PAX3: variants seen among roughly 807,000 people sequenced by gnomAD.
PAX3 encodes paired box protein Pax-3.
PAX3 carries 14 observed loss-of-function variants against 51.6 expected under a neutral mutation model. That is an observed-to-expected ratio of 0.27 (90% confidence interval 0.18 to 0.42). The LOEUF (loss-of-function observed/expected upper bound fraction) is 0.42, where lower values mean the gene tolerates loss of function less well. Ranked by LOEUF, PAX3 falls within the 10% of genes least tolerant of loss-of-function variation. PAX3 has a pLI of 1.00. For synonymous variants in PAX3, 280 were observed against 253.4 expected (o/e 1.11, Z -1.00); for missense variants, 540 against 642.8 (o/e 0.84, Z 1.73).
intron 4 of PAX3, among the ~76,000 whole-genome samples, chr2:222,244,096 C>A (rs1009831010): frequency 2.0e-5 from 3 of 152,154 alleles, no homozygotes; most frequent in Non-Finnish European, 2.9e-5. Context: ...CACATCCAAC[C>A]AATGGACCTA....
At chr2:222,211,622 A>G (rs1185525072) in intron 7 of PAX3, among the ~76,000 whole-genome samples, 1 of 152,188 alleles carries the variant, frequency 6.6e-6, no homozygotes, top group Non-Finnish European at 1.5e-5. Flanking sequence ...AAAAATCAAG[A>G]AGCCATTTTA....
intron 4 of PAX3, among the ~76,000 whole-genome samples, chr2:222,238,324 C>A (rs2106105943): frequency 6.6e-6 from 1 of 152,264 alleles, no homozygotes; most frequent in South Asian, 2.1e-4. Flanking sequence ...AATATTTCAT[C>A]CTAGTTAACA....
intron 4 of PAX3, among the ~76,000 whole-genome samples, chr2:222,292,128 A>G (rs1018160219): frequency 1.3e-5 from 2 of 152,016 alleles, no homozygotes; most frequent in African/African-American, 4.8e-5. Context: ...GACTAGAAAC[A>G]TTTTGTAGGT....
Position 222,286,359 on chromosome 2 carries a change from A to G in PAX3, c.586+7808T>C, listed in dbSNP as rs564249314. On this transcript the variant is annotated intron_variant, in intron 4 of 8. Coordinates refer to ENST00000392070, the MANE Select transcript of PAX3 (RefSeq NM_181458.4). ...CAGATACAGTAAATATGGCCAAATA[A>G]AAGTACATAAGAAAGTATAGTCAAG... Among the ~76,000 whole-genome samples, 68 of 152,378 alleles carry G rather than the reference A, an allele frequency of 4.5e-4. No individual in the cohort carries two copies. In the South Asian group the frequency reaches 0.012, roughly 27 times the overall value.
At chr2:222,241,398 T>G (rs973029263) in intron 4 of PAX3, among the ~76,000 whole-genome samples, 2 of 152,154 alleles carry the variant, frequency 1.3e-5, no homozygotes, top group Non-Finnish European at 2.9e-5. Context: ...AAGAGACAAA[T>G]GAACATTTTA....
intron 4 of PAX3, among the ~76,000 whole-genome samples, chr2:222,241,642 G>C (rs964422561): frequency 1.3e-5 from 2 of 152,178 alleles, no homozygotes; most frequent in Non-Finnish European, 2.9e-5. Context: ...TAGCTAAACT[G>C]TTTCATGCTT....
chr2:222,271,944 A>G lies in PAX3; in HGVS notation c.586+22223T>C, dbSNP rs116147323. Among the ~76,000 whole-genome samples the G allele has an allele frequency of 3.6e-3, 548 of 152,358 alleles. 5 individuals carry two copies. The highest frequency in any genetic ancestry group is 0.012 in the African/African-American group (506 of 41,584). On this transcript the variant is annotated intron_variant, in intron 4 of 8. Transcript: ENST00000392070. The stretch of plus-strand genomic sequence containing the variant: ...ACTTCACAAGGAGCTGTTTTATCAA[A>G]GAATTTTCCTAGACTTAAATGAAAG...
chr2:222,216,356 C>T (rs1215151490), intron 7 of PAX3, among the ~76,000 whole-genome samples: 1 of 152,156 alleles, frequency 6.6e-6, no homozygotes, highest in Admixed American at 6.6e-5. Context: ...GTTGCTGATT[C>T]CCTCAGAACA....
chr2:222,278,678 G>A (rs899538050), intron 4 of PAX3, among the ~76,000 whole-genome samples: 2 of 152,334 alleles, frequency 1.3e-5, no homozygotes, highest in Middle Eastern at 3.4e-3. Context: ...TGCCCTAGCA[G>A]GTCCTGCCCA....
intron 4 of PAX3, chr2:222,233,023 G>A (rs1404157587): frequency 1.4e-5 from 2 of 144,708 alleles, no homozygotes; most frequent in East Asian, 2.0e-4. Context: ...TAGAGTCTGG[G>A]TCTCTGCTGA....
chr2:222,248,087 T>C (rs890202316), intron 4 of PAX3, among the ~76,000 whole-genome samples: 1 of 152,094 alleles, frequency 6.6e-6, no homozygotes, highest in African/African-American at 2.4e-5. Flanking sequence ...ATTCACAAAT[T>C]TTTTTCACTC....
intron 4 of PAX3, among the ~76,000 whole-genome samples, chr2:222,251,601 T>C (rs2106126290): frequency 6.6e-6 from 1 of 152,354 alleles, no homozygotes; most frequent in Non-Finnish European, 1.5e-5. Context: ...GCAGCATGTT[T>C]TATAATCCTT....
chr2:222,269,655 A>T (rs1694179863), intron 4 of PAX3, among the ~76,000 whole-genome samples: 1 of 127,608 alleles, frequency 7.8e-6, no homozygotes. Context: ...CCACCTTTCC[A>T]TAAAAAAAAA....
chr2:222,296,247 G>A (rs1695289690), intron 2 of PAX3, among the ~76,000 whole-genome samples: 1 of 152,224 alleles, frequency 6.6e-6, no homozygotes, highest in Admixed American at 6.5e-5. Flanking sequence ...GAAAGGCTGT[G>A]AAAGTGTTTC....
intron 4 of PAX3, among the ~76,000 whole-genome samples, chr2:222,260,298 G>T (rs1170041616): frequency 1.3e-5 from 2 of 152,062 alleles, no homozygotes; most frequent in Admixed American, 6.5e-5. Flanking sequence ...AGCCTGGGAG[G>T]TCGAGGCTAC....
At chr2:222,234,941 A>G (rs1430629603) in intron 4 of PAX3, among the ~76,000 whole-genome samples, 8 of 152,292 alleles carry the variant, frequency 5.3e-5, no homozygotes, top group Admixed American at 1.3e-4. Context: ...GAAACACTCA[A>G]TAGCATTTAA....
At chr2:222,298,506 G>T in intron 1 of PAX3, 25 bp downstream of exon 1, 1 of 1,572,742 alleles carries the variant, frequency 6.4e-7, no homozygotes. Flanking sequence ...TGGGATCCAG[G>T]CGGCGCGCTG....
intron 7 of PAX3, among the ~76,000 whole-genome samples, chr2:222,210,958 C>A (rs1691702128): frequency 6.6e-6 from 1 of 152,160 alleles, no homozygotes; most frequent in Non-Finnish European, 1.5e-5. Context: ...CCTCACCCTC[C>A]TGGGCTTAAG....
intron 7 of PAX3, among the ~76,000 whole-genome samples, chr2:222,207,061 C>T (rs1691538867): frequency 6.6e-6 from 1 of 152,042 alleles, no homozygotes; most frequent in South Asian, 2.1e-4. Context: ...ATTCTTCCAT[C>T]CTTTCCTCCA....
Sources: allele counts gnomAD v4.1 joint callset (sites outside exome capture counted in the v4.1 genomes callset), GRCh38; gene constraint gnomAD v4.1.1; transcripts MANE v1.5; gene names NCBI Gene and HGNC (gene_info 2026-07-23, HGNC 2026-07-21).